TUSC3: variants seen among roughly 807,000 people sequenced by gnomAD.
TUSC3 encodes dolichyl-diphosphooligosaccharide--protein glycosyltransferase subunit TUSC3.
In TUSC3, 45 loss-of-function variants were observed where a neutral mutation model predicts 44.8. The ratio of observed to expected loss-of-function variants is 1.00; its 90% CI spans 0.79 to 1.29. The LOEUF is 1.29. TUSC3 is among the 50% of genes most tolerant of loss of function. The pLI is 0.00. For missense variants in TUSC3, 519 were observed against 437.9 expected (o/e 1.19, Z -1.65); for synonymous variants, 212 against 152.9 (o/e 1.39, Z -2.85).
chr8:15,469,750 T>A (rs1800460376), intron 1 of TUSC3, among the ~76,000 whole-genome samples: 1 of 152,208 alleles, frequency 6.6e-6, no homozygotes, highest in Non-Finnish European at 1.5e-5. Flanking sequence ...AACCAAGATG[T>A]CCTTCAGTGG....
chr8:15,474,664 A>G (rs1256055839), intron 1 of TUSC3, among the ~76,000 whole-genome samples: 1 of 152,226 alleles, frequency 6.6e-6, no homozygotes, highest in Non-Finnish European at 1.5e-5. Flanking sequence ...TTTGGATCAC[A>G]CTTTTTAACA....
At chr8:15,747,481 G>A (rs28697084) in intron 8 of TUSC3, among the ~76,000 whole-genome samples, 2,768 of 151,742 alleles carry the variant, frequency 0.018, 79 homozygotes, top group African/African-American at 0.063. Context: ...TATTCTAAAC[G>A]TACTTTAATT....
the TUSC3 span, among the ~76,000 whole-genome samples, chr8:15,820,369 T>C: frequency 6.7e-6 from 1 of 148,606 alleles, no homozygotes; most frequent in Admixed American, 6.9e-5. Context: ...TGGAGTGCAG[T>C]GGCGCGATCT....
chr8:15,448,755 A>G (rs544155181), intron 1 of TUSC3, among the ~76,000 whole-genome samples: 22 of 152,290 alleles, frequency 1.4e-4, no homozygotes, highest in African/African-American at 5.1e-4. Context: ...ATATTTATGC[A>G]TTGTAAACAA....
At chr8:15,738,991 C>T (rs1019822347) in intron 7 of TUSC3, among the ~76,000 whole-genome samples, 1 of 151,632 alleles carries the variant, frequency 6.6e-6, no homozygotes, top group African/African-American at 2.4e-5. Context: ...CGCCACCATG[C>T]CTGGCTAATT....
chr8:15,579,165 C>G (rs1368598048), intron 1 of TUSC3, among the ~76,000 whole-genome samples: 1 of 149,880 alleles, frequency 6.7e-6, no homozygotes, highest in Non-Finnish European at 1.5e-5. Flanking sequence ...TGGTGATATC[C>G]CCTTTATCAT....
chr8:15,621,713 T>G (rs1238197527), intron 1 of TUSC3, among the ~76,000 whole-genome samples: 2 of 150,626 alleles, frequency 1.3e-5, no homozygotes, highest in Non-Finnish European at 3.0e-5. Context: ...ATGCAAGTAA[T>G]TTGTTTGTTT....
chr8:15,700,849 C>CTTGTTTTTTTT (rs1809367194), intron 6 of TUSC3, among the ~76,000 whole-genome samples: 1 of 90,536 alleles, frequency 1.1e-5, no homozygotes, highest in Non-Finnish European at 2.0e-5. Flanking sequence ...ATGGCTGGAG[C>CTTGTTTTTTTT]TTTTTTTTTT....
At chr8:15,609,360 G>A (rs1028021526) in intron 1 of TUSC3, among the ~76,000 whole-genome samples, 8 of 152,128 alleles carry the variant, frequency 5.3e-5, no homozygotes, top group Non-Finnish European at 4.4e-5. Flanking sequence ...ACTGGTAATA[G>A]TCATCTTGTC....
intron 6 of TUSC3, among the ~76,000 whole-genome samples, chr8:15,684,945 G>A (rs1255084112): frequency 6.6e-6 from 1 of 152,124 alleles, no homozygotes. Flanking sequence ...GGCTTAGGAG[G>A]GGCCACGGGG....
chr8:15,562,092 A>G (rs1236569105), intron 1 of TUSC3, among the ~76,000 whole-genome samples: 1 of 152,182 alleles, frequency 6.6e-6, no homozygotes, highest in Non-Finnish European at 1.5e-5. Flanking sequence ...CAGCAGCAGT[A>G]AGAACAGCTA....
chr8:15,517,209 T>A (rs1563271902), intron 2 of TUSC3, among the ~76,000 whole-genome samples: 1 of 152,136 alleles, frequency 6.6e-6, no homozygotes, highest in Non-Finnish European at 1.5e-5. Flanking sequence ...GCCCAATTTT[T>A]AAAAAATGTT....
intron 6 of TUSC3, among the ~76,000 whole-genome samples, chr8:15,713,541 A>G (rs1011558816): frequency 6.6e-6 from 1 of 152,246 alleles, no homozygotes; most frequent in Non-Finnish European, 1.5e-5. Context: ...GATGGTTCCA[A>G]CAACAGAAAA....
chr8:15,469,603 TA>T (rs1800457988), intron 1 of TUSC3, among the ~76,000 whole-genome samples: 1 of 152,180 alleles, frequency 6.6e-6, no homozygotes, highest in Admixed American at 6.5e-5. Flanking sequence ...CTTTTAAAAT[TA>T]AACATATTCT....
At chr8:15,819,870 C>T in the TUSC3 span, among the ~76,000 whole-genome samples, 1 of 152,082 alleles carries the variant, frequency 6.6e-6, no homozygotes, top group East Asian at 1.9e-4. Flanking sequence ...TGGGATCTTC[C>T]CTTCTTGTCC....
chr8:15,682,889 C>A (rs1472982113), intron 6 of TUSC3, among the ~76,000 whole-genome samples: 2 of 150,846 alleles, frequency 1.3e-5, no homozygotes, highest in Non-Finnish European at 3.0e-5. Context: ...CTGGGAAAGG[C>A]GTTATTTTTT....
chr8:15,780,528 C>CA, the TUSC3 span, among the ~76,000 whole-genome samples: 1 of 152,156 alleles, frequency 6.6e-6, no homozygotes, highest in East Asian at 1.9e-4. Context: ...AGAGAAAACT[C>CA]AAATATTCCC....
the TUSC3 span, among the ~76,000 whole-genome samples, chr8:15,841,558 G>C: frequency 6.6e-6 from 1 of 151,750 alleles, no homozygotes; most frequent in Non-Finnish European, 1.5e-5. Context: ...TTGTCTCCCA[G>C]GCTAGCGTGC....
chr8:15,435,333 C>G (rs1433457154), intron 1 of TUSC3, among the ~76,000 whole-genome samples: 3 of 152,064 alleles, frequency 2.0e-5, no homozygotes. Context: ...ATAAATGCAA[C>G]AAGTGGGCGA....
Sources: allele counts gnomAD v4.1 joint callset (sites outside exome capture counted in the v4.1 genomes callset), GRCh38; gene constraint gnomAD v4.1.1; transcripts MANE v1.5; gene names NCBI Gene and HGNC (gene_info 2026-07-23, HGNC 2026-07-21).